Variants in UBE2D2 observed in about 807,000 individuals in gnomAD.
UBE2D2 encodes ubiquitin-conjugating enzyme E2 D2.
A neutral mutation model predicts 24.2 loss-of-function variants in UBE2D2; 2 were observed. The observed-to-expected ratio is 0.08, with a 90% CI of 0.03 to 0.26. The LOEUF (loss-of-function observed/expected upper bound fraction) is 0.26. Ranked by LOEUF, UBE2D2 falls within the 10% of genes least tolerant of loss-of-function variation. The pLI, the probability that UBE2D2 is intolerant of heterozygous loss-of-function variation, is 1.00. For synonymous variants in UBE2D2, 58 were observed against 56.5 expected, an observed-to-expected ratio of 1.03 and a Z score of -0.12; for missense variants, 44 against 177.6, an observed-to-expected ratio of 0.25 and a Z score of 4.28.
intron 1 of UBE2D2, among the ~76,000 whole-genome samples, chr5:139,586,436 TG>T (rs1189136207): frequency 6.9e-6 from 1 of 144,744 alleles, no homozygotes; most frequent in African/African-American, 2.6e-5. Context: ...AGTGTAGATC[TG>T]GTTTTGTATT....
chr5:139,614,118 C>T (rs1754378791), intron 2 of UBE2D2, among the ~76,000 whole-genome samples: 1 of 151,110 alleles, frequency 6.6e-6, no homozygotes, highest in Non-Finnish European at 1.5e-5. Flanking sequence ...AAATGATTTA[C>T]CCTGTGAGGT....
At chr5:139,595,512 G>A (rs1047543022) in intron 1 of UBE2D2, among the ~76,000 whole-genome samples, 3 of 152,022 alleles carry the variant, frequency 2.0e-5, no homozygotes, top group African/African-American at 4.8e-5. Context: ...CTGAGTAGCT[G>A]GGATTATAGG....
chr5:139,581,700 G>A (rs1001646122), intron 1 of UBE2D2, among the ~76,000 whole-genome samples: 4 of 152,004 alleles, frequency 2.6e-5, no homozygotes, highest in African/African-American at 9.7e-5. Flanking sequence ...ATGGAGTCTC[G>A]ATCCGTCACC....
chr5:139,583,348 G>A (rs1186302314), intron 1 of UBE2D2, among the ~76,000 whole-genome samples: 1 of 152,192 alleles, frequency 6.6e-6, no homozygotes, highest in East Asian at 1.9e-4. Flanking sequence ...AAGTAAGTAT[G>A]TGAAGTAAAT....
At chr5:139,609,114 T>G (rs1754260066) in intron 2 of UBE2D2, among the ~76,000 whole-genome samples, 1 of 152,266 alleles carries the variant, frequency 6.6e-6, no homozygotes, top group Admixed American at 6.5e-5. Context: ...GATTTAAATT[T>G]TTCTAATAAC....
At chr5:139,557,707 A>G (rs367772696), upstream of UBE2D2, among the ~76,000 whole-genome samples, 2 of 152,268 alleles carry the variant, frequency 1.3e-5, no homozygotes, top group African/African-American at 4.8e-5. Context: ...AGATCGCACC[A>G]CTGCACTCCA....
At chr5:139,615,903 T>G (rs2126703219) in intron 5 of UBE2D2, among the ~76,000 whole-genome samples, 1 of 147,746 alleles carries the variant, frequency 6.8e-6, no homozygotes, top group East Asian at 2.1e-4. Context: ...TGGTGCAATC[T>G]TGGCTCATTG....
At chr5:139,590,559 C>T (rs935091457) in intron 1 of UBE2D2, among the ~76,000 whole-genome samples, 5 of 151,300 alleles carry the variant, frequency 3.3e-5, no homozygotes, top group South Asian at 2.1e-4. Context: ...TGCCATGTAA[C>T]GCTATCTAAA....
chr5:139,618,468 A>C (rs1754459251), intron 5 of UBE2D2, among the ~76,000 whole-genome samples: 1 of 152,114 alleles, frequency 6.6e-6, no homozygotes, highest in African/African-American at 2.4e-5. Flanking sequence ...GCTACTTGAG[A>C]AAGTGTTTGT....
Position 139,626,938 on chromosome 5 carries a change from C to T in UBE2D2, c.*137C>T, listed in dbSNP as rs1754642721. The stretch of plus-strand genomic sequence containing the variant: ...CTGTGCACATGTTTACCTGATACAG[C>T]AGTGCTGCGTGTTGTACATACTTGG... On this transcript the variant is annotated 3_prime_UTR_variant, in exon 7 of 7. Transcript: ENST00000398733. The T allele has an allele frequency of 3.0e-6, 2 of 672,244 alleles. No homozygotes were observed. The highest frequency in any genetic ancestry group is 2.7e-5 in the Admixed American group (1 of 37,000). The allele number at this position is 672,244 out of a possible 1,614,324, so 41.6% of individuals were successfully genotyped here.
chr5:139,579,646 C>T (rs935537533), intron 1 of UBE2D2, among the ~76,000 whole-genome samples: 1 of 152,134 alleles, frequency 6.6e-6, no homozygotes, highest in Non-Finnish European at 1.5e-5. Flanking sequence ...GTAATTGTAA[C>T]TATCTGGTTC....
At chr5:139,599,416 GAAA>G (rs1310637992) in intron 1 of UBE2D2, 4 of 150,234 alleles carry the variant, frequency 2.7e-5, no homozygotes, top group African/African-American at 9.8e-5. Context: ...TTTTTTTTTT[GAAA>G]AATAATAAAT....
intron 5 of UBE2D2, among the ~76,000 whole-genome samples, chr5:139,622,931 T>C (rs997041659): frequency 6.8e-6 from 1 of 147,468 alleles, no homozygotes; most frequent in Non-Finnish European, 1.5e-5. Flanking sequence ...TTGCCAGGTG[T>C]GGTGGCTCAC....
upstream of UBE2D2, among the ~76,000 whole-genome samples, chr5:139,559,496 A>G (rs1187264394): frequency 6.6e-6 from 1 of 152,090 alleles, no homozygotes; most frequent in Non-Finnish European, 1.5e-5. Flanking sequence ...TTAGGAAGAA[A>G]ATATCTGGGG....
intron 1 of UBE2D2, among the ~76,000 whole-genome samples, chr5:139,534,772 G>T (rs558545985): frequency 6.6e-6 from 1 of 151,894 alleles, no homozygotes; most frequent in Non-Finnish European, 1.5e-5. Flanking sequence ...TTATTCTAAG[G>T]AAACAGTTAA....
At chr5:139,586,085 T>G (rs1367129371) in intron 1 of UBE2D2, among the ~76,000 whole-genome samples, 1 of 152,010 alleles carries the variant, frequency 6.6e-6, no homozygotes, top group African/African-American at 2.4e-5. Context: ...TTTTTCATCC[T>G]AAGAAAGATA....
At chr5:139,537,571 C>T (rs1752701889) in intron 1 of UBE2D2, among the ~76,000 whole-genome samples, 1 of 151,978 alleles carries the variant, frequency 6.6e-6, no homozygotes, top group South Asian at 2.1e-4. Context: ...CTAGGCTGGT[C>T]TCAAACTCCT....
intron 1 of UBE2D2, chr5:139,562,482 C>T: frequency 8.0e-7 from 1 of 1,251,002 alleles, no homozygotes; most frequent in Non-Finnish European, 1.0e-6. Context: ...TAGTTAGAAA[C>T]TAACACTTCC....
At chr5:139,607,386 C>A (rs1367962009) in intron 2 of UBE2D2, among the ~76,000 whole-genome samples, 1 of 152,110 alleles carries the variant, frequency 6.6e-6, no homozygotes. Context: ...GATTCTAGAT[C>A]ATTTTATGAG....
Sources: allele counts gnomAD v4.1 joint callset (sites outside exome capture counted in the v4.1 genomes callset), GRCh38; gene constraint gnomAD v4.1.1; transcripts MANE v1.5; gene names NCBI Gene and HGNC (gene_info 2026-07-23, HGNC 2026-07-21).